KCTD5: variants seen among roughly 807,000 people sequenced by gnomAD.
The protein encoded by KCTD5 is BTB/POZ domain-containing protein KCTD5.
In KCTD5, 12 loss-of-function variants were observed where a neutral mutation model predicts 27.9. The ratio of observed to expected loss-of-function variants is 0.43; its 90% CI spans 0.28 to 0.70. The LOEUF is 0.70. Ranked by LOEUF, KCTD5 falls within the 30% of genes least tolerant of loss-of-function variation. The pLI, the probability that KCTD5 is intolerant of heterozygous loss-of-function variation, is 0.19. For synonymous variants in KCTD5, 147 were observed against 121.4 expected (o/e 1.21, Z -1.39); for missense variants, 226 against 274.8 (o/e 0.82, Z 1.26).
At chr16:2,691,246 G>A (rs2067565229) in intron 1 of KCTD5, among the ~76,000 whole-genome samples, 1 of 152,232 alleles carries the variant, frequency 6.6e-6, no homozygotes, top group Non-Finnish European at 1.5e-5. Flanking sequence ...ACCTCCACAC[G>A]CCACTGCCTC....
At chr16:2,686,888 G>A (rs1280651059) in intron 1 of KCTD5, among the ~76,000 whole-genome samples, 1 of 152,178 alleles carries the variant, frequency 6.6e-6, no homozygotes, top group Non-Finnish European at 1.5e-5. Context: ...AGTGGAGATG[G>A]CAGATGATGT....
Position 2,688,228 on chromosome 16 carries a change from AAT to A in KCTD5, c.252+5445_252+5446del, listed in dbSNP as rs772886064. 1.9e-4 allele frequency among the ~76,000 whole-genome samples: 16 copies of A among 84,580 alleles called. 1 individual carries two copies. The highest frequency in any genetic ancestry group is 5.4e-4 in the African/African-American group (13 of 24,130). 55.5% of individuals were successfully genotyped at this position (84,580 alleles called of 152,430 possible). ...TTATTATTAAATAAATAAATAAATA[AAT>A]ATATATATATATATATTTATTTATT... On this transcript the variant is annotated intron_variant, in intron 1 of 5. Transcript: ENST00000301738.
intron 3 of KCTD5, chr16:2,699,302 C>A (rs539370256): frequency 6.8e-6 from 3 of 442,290 alleles, no homozygotes; most frequent in African/African-American, 4.0e-5. Context: ...GCACAGCAAG[C>A]GTGCCAGGCA....
intron 1 of KCTD5, among the ~76,000 whole-genome samples, chr16:2,687,756 C>T (rs544070266): frequency 6.6e-6 from 1 of 152,152 alleles, no homozygotes; most frequent in Non-Finnish European, 1.5e-5. Flanking sequence ...CCTCCACGCC[C>T]CAGGTAAGCA....
intron 5 of KCTD5, 81 bp from the exon 6 acceptor site, chr16:2,707,217 G>A: frequency 7.2e-7 from 1 of 1,393,270 alleles, no homozygotes; most frequent in Non-Finnish European, 1.0e-6. Context: ...AGGCCTGTGG[G>A]CTCTGTTTTC....
chr16:2,684,099 T>G (rs553565187), intron 1 of KCTD5: 1 of 152,182 alleles, frequency 6.6e-6, no homozygotes, highest in South Asian at 2.1e-4. Context: ...TGATTTTCCT[T>G]TTATAAGTGT....
intron 5 of KCTD5, among the ~76,000 whole-genome samples, chr16:2,703,631 C>G (rs919160993): frequency 6.6e-6 from 1 of 152,184 alleles, no homozygotes; most frequent in African/African-American, 2.4e-5. Flanking sequence ...GCATGTCTCT[C>G]GGAGGCCTGC....
At chr16:2,701,005 C>T (rs1290422569) in intron 4 of KCTD5, among the ~76,000 whole-genome samples, 1 of 152,198 alleles carries the variant, frequency 6.6e-6, no homozygotes, top group East Asian at 1.9e-4. Context: ...CGAGCCCCAC[C>T]TCCCAGTTGT....
chr16:2,697,625 T>G (rs938094907), intron 2 of KCTD5, among the ~76,000 whole-genome samples: 1 of 152,184 alleles, frequency 6.6e-6, no homozygotes, highest in Non-Finnish European at 1.5e-5. Context: ...ACCTGGCGGG[T>G]CACTGGAGGT....
intron 2 of KCTD5, chr16:2,697,266 A>AG (rs1407071101): frequency 6.6e-6 from 1 of 152,636 alleles, no homozygotes; most frequent in East Asian, 1.9e-4. Context: ...GGAAGCCCTG[A>AG]GGCAGGACCT....
rs530212544 is a variant in KCTD5, at chr16:2,697,828, G to A, written c.362-78G>A. ...GCCCTCATTGCAGGGGCAGGGGCAA[G>A]GGCAGGGGTGGGTGTAAAGCGTGGA... On this transcript the variant is annotated intron_variant, in intron 2 of 5. Coordinates refer to ENST00000301738, the MANE Select transcript of KCTD5 (RefSeq NM_018992.4). 2.6e-3 allele frequency: 2,641 copies of A among 1,027,092 alleles called. 3 individuals are homozygous for A. The highest frequency in any genetic ancestry group is 3.5e-3 in the Non-Finnish European group (2,321 of 663,556). The allele number at this position is 1,027,092 out of a possible 1,614,324, so 63.6% of individuals were successfully genotyped here.
intron 1 of KCTD5, among the ~76,000 whole-genome samples, chr16:2,685,298 C>T (rs1458428827): frequency 4.6e-5 from 7 of 151,858 alleles, no homozygotes; most frequent in African/African-American, 9.7e-5. Flanking sequence ...CATGGTGGCG[C>T]GTGCCTGTAC....
At chr16:2,706,689 G>T (rs1042789260) in intron 5 of KCTD5, among the ~76,000 whole-genome samples, 2 of 152,018 alleles carry the variant, frequency 1.3e-5, no homozygotes, top group Admixed American at 6.5e-5. Context: ...GGGCCGAGGG[G>T]CCGTGGGCTC....
intron 1 of KCTD5, among the ~76,000 whole-genome samples, chr16:2,688,516 G>A (rs1039351431): frequency 6.6e-6 from 1 of 152,002 alleles, no homozygotes; most frequent in Non-Finnish European, 1.5e-5. Context: ...CTCCCAAAGT[G>A]CTGGGATTAC....
chr16:2,706,282 C>G (rs2067635470), intron 5 of KCTD5, among the ~76,000 whole-genome samples: 1 of 152,200 alleles, frequency 6.6e-6, no homozygotes, highest in African/African-American at 2.4e-5. Context: ...GCATGCACCT[C>G]TCACCACTGC....
chr16:2,693,039 A>G (rs1052526954), intron 1 of KCTD5, among the ~76,000 whole-genome samples: 93 of 152,342 alleles, frequency 6.1e-4, no homozygotes, highest in African/African-American at 2.1e-3. Flanking sequence ...AGCCCCACGC[A>G]GATCCTCCTC....
chr16:2,682,989 G>A (rs963885267), intron 1 of KCTD5, 189 bp downstream of exon 1: 17 of 622,472 alleles, frequency 2.7e-5, no homozygotes, highest in African/African-American at 7.8e-5. Context: ...AGGGGAGGGT[G>A]AGGATGGCGC....
intron 5 of KCTD5, among the ~76,000 whole-genome samples, chr16:2,706,399 A>G (rs1016407311): frequency 6.6e-6 from 1 of 152,166 alleles, no homozygotes; most frequent in Non-Finnish European, 1.5e-5. Context: ...CACGTGACAC[A>G]TGGAGACAGC....
intron 1 of KCTD5, among the ~76,000 whole-genome samples, chr16:2,689,912 G>A (rs185321261): frequency 2.6e-5 from 4 of 152,322 alleles, no homozygotes; most frequent in South Asian, 4.1e-4. Context: ...CTCACCTCAG[G>A]TAATCCGCCT....
Sources: allele counts gnomAD v4.1 joint callset (sites outside exome capture counted in the v4.1 genomes callset), GRCh38; gene constraint gnomAD v4.1.1; transcripts MANE v1.5; gene names NCBI Gene and HGNC (gene_info 2026-07-23, HGNC 2026-07-21).